Variants in LINGO2 observed in about 807,000 individuals in gnomAD.
LINGO2 encodes the protein leucine rich repeat and Ig domain containing 2, also known as leucine-rich repeat and immunoglobulin-like domain-containing nogo receptor-interacting protein 2.
LINGO2 carries 14 observed loss-of-function variants against 30.6 expected under a neutral mutation model. The observed-to-expected ratio is 0.46, with a 90% CI of 0.30 to 0.72. The LOEUF is 0.72. Ranked by LOEUF, LINGO2 falls within the 30% of genes least tolerant of loss-of-function variation. The pLI is 0.07. For missense variants in LINGO2, 729 were observed against 751.7 expected, an observed-to-expected ratio of 0.97 and a Z score of 0.35; for synonymous variants, 317 against 288.5, an observed-to-expected ratio of 1.10 and a Z score of -1.00.
chr9:28,931,659 C>G, the LINGO2 span, among the ~76,000 whole-genome samples: 3 of 152,104 alleles, frequency 2.0e-5, no homozygotes, highest in Non-Finnish European at 4.4e-5. Context: ...TGCTTTACAA[C>G]TTTTTGACTC....
chr9:28,679,939 G>A, the LINGO2 span, among the ~76,000 whole-genome samples: 10 of 149,722 alleles, frequency 6.7e-5, no homozygotes, highest in South Asian at 2.1e-4. Flanking sequence ...CATACTTACC[G>A]TTTTTTTTTG....
chr9:28,206,502 G>A (rs1820414886), intron 4 of LINGO2, among the ~76,000 whole-genome samples: 1 of 152,008 alleles, frequency 6.6e-6, no homozygotes, highest in Non-Finnish European at 1.5e-5. Context: ...TGACTCACAG[G>A]GAAGCTAAAG....
intron 4 of LINGO2, among the ~76,000 whole-genome samples, chr9:28,226,684 A>G (rs1197004434): frequency 2.0e-5 from 2 of 98,054 alleles, no homozygotes; most frequent in Non-Finnish European, 3.9e-5. Context: ...AGAAAGAAAG[A>G]AAGAAAGAAA....
At chr9:28,848,351 T>C in the LINGO2 span, among the ~76,000 whole-genome samples, 3 of 112,836 alleles carry the variant, frequency 2.7e-5, no homozygotes, top group East Asian at 2.7e-4. Flanking sequence ...TGTATATATA[T>C]ATACACATAT....
chr9:28,238,129 C>T (rs1195080814), intron 4 of LINGO2, among the ~76,000 whole-genome samples: 1 of 150,186 alleles, frequency 6.7e-6, no homozygotes, highest in Non-Finnish European at 1.5e-5. Flanking sequence ...CCAGATATAT[C>T]AAGCAAATAT....
chr9:28,082,900 T>G (rs1298332587), intron 4 of LINGO2, among the ~76,000 whole-genome samples: 1 of 152,120 alleles, frequency 6.6e-6, no homozygotes, highest in African/African-American at 2.4e-5. Context: ...CTTGTGTTTC[T>G]GGTTTCAAAT....
intron 1 of LINGO2, among the ~76,000 whole-genome samples, chr9:28,561,735 T>TGTG (rs1823080618): frequency 2.7e-4 from 12 of 44,006 alleles, no homozygotes; most frequent in African/African-American, 5.0e-4. Context: ...ATATATAATT[T>TGTG]TGTGTGTGTG....
chr9:28,231,962 A>G (rs1373933340), intron 4 of LINGO2, among the ~76,000 whole-genome samples: 3 of 152,110 alleles, frequency 2.0e-5, no homozygotes, highest in African/African-American at 7.2e-5. Flanking sequence ...TCAATATTCA[A>G]TGTTTATATT....
intron 4 of LINGO2, among the ~76,000 whole-genome samples, chr9:28,033,877 G>A (rs1175275039): frequency 6.6e-6 from 1 of 152,182 alleles, no homozygotes; most frequent in Non-Finnish European, 1.5e-5. Context: ...CAGTCAACAA[G>A]GATTTCCCAT....
At chr9:28,605,565 C>T (rs1385489636) in intron 1 of LINGO2, among the ~76,000 whole-genome samples, 4 of 151,958 alleles carry the variant, frequency 2.6e-5, no homozygotes, top group Non-Finnish European at 4.4e-5. Context: ...GTCAGGCCTC[C>T]GAGTTCTCAT....
chr9:27,979,635 A>G (rs1396671571), intron 5 of LINGO2, among the ~76,000 whole-genome samples: 1 of 151,934 alleles, frequency 6.6e-6, no homozygotes, highest in Non-Finnish European at 1.5e-5. Context: ...AGGTATGGAA[A>G]AGTATGTAAT....
At chr9:28,408,422 A>G (rs1239177236) in intron 2 of LINGO2, among the ~76,000 whole-genome samples, 1 of 152,106 alleles carries the variant, frequency 6.6e-6, no homozygotes, top group African/African-American at 2.4e-5. Flanking sequence ...TTATTTCTAC[A>G]TCAGGGAACT....
intron 1 of LINGO2, among the ~76,000 whole-genome samples, chr9:28,632,690 T>TATATATAGATCTA (rs1563878409): frequency 1.8e-5 from 2 of 108,408 alleles, no homozygotes; most frequent in Admixed American, 2.1e-4. Flanking sequence ...AAAAATATAT[T>TATATATAGATCTA]TATATAGATC....
At chr9:29,040,521 T>G in the LINGO2 span, among the ~76,000 whole-genome samples, 5 of 151,772 alleles carry the variant, frequency 3.3e-5, no homozygotes, top group African/African-American at 1.2e-4. Context: ...GAACTTAGGT[T>G]CTCTTCAAGG....
the LINGO2 span, among the ~76,000 whole-genome samples, chr9:28,692,014 T>C: frequency 9.2e-5 from 14 of 152,172 alleles, no homozygotes; most frequent in Non-Finnish European, 1.9e-4. Flanking sequence ...TTATCTCCAA[T>C]GCTTGTGTTC....
At chr9:28,653,210 C>T (rs976993498) in intron 1 of LINGO2, among the ~76,000 whole-genome samples, 4 of 152,124 alleles carry the variant, frequency 2.6e-5, no homozygotes, top group Admixed American at 6.6e-5. Flanking sequence ...CCCATGTGGA[C>T]ACCTCAAGTG....
chr9:28,475,460 AAC>A (rs1825692587), intron 2 of LINGO2, among the ~76,000 whole-genome samples: 1 of 152,192 alleles, frequency 6.6e-6, no homozygotes, highest in Non-Finnish European at 1.5e-5. Context: ...TTATCTATAA[AAC>A]AAGGGTAATT....
the LINGO2 span, among the ~76,000 whole-genome samples, chr9:28,769,694 C>A: frequency 1.3e-3 from 180 of 143,332 alleles, no homozygotes; most frequent in African/African-American, 4.3e-3. Context: ...TTTTTTTTTA[C>A]TTAAAATTTT....
intron 1 of LINGO2, among the ~76,000 whole-genome samples, chr9:28,623,251 G>A (rs910306988): frequency 1.3e-5 from 2 of 151,888 alleles, no homozygotes; most frequent in Admixed American, 1.3e-4. Context: ...GGGTATTACT[G>A]AAGAAATTTT....
Sources: allele counts gnomAD v4.1 joint callset (sites outside exome capture counted in the v4.1 genomes callset), GRCh38; gene constraint gnomAD v4.1.1; transcripts MANE v1.5; gene names NCBI Gene and HGNC (gene_info 2026-07-23, HGNC 2026-07-21).